Variants in PEX5L observed in about 807,000 individuals in gnomAD.
PEX5L encodes the protein peroxisomal biogenesis factor 5 like.
PEX5L carries 30 observed loss-of-function variants against 84.0 expected under a neutral mutation model. The ratio of observed to expected loss-of-function variants is 0.36; its 90% CI spans 0.27 to 0.48. PEX5L has a LOEUF of 0.48. Ranked by LOEUF, PEX5L falls within the 20% of genes least tolerant of loss-of-function variation. The probability of loss-of-function intolerance (pLI) is 0.99; values close to 1 mark genes in which losing one functional copy is unlikely to be tolerated. For synonymous variants in PEX5L, 270 were observed against 283.1 expected (o/e 0.95, Z 0.46); for missense variants, 533 against 754.6 (o/e 0.71, Z 3.44).
chr3:179,809,097 A>G (rs897360520), intron 12 of PEX5L, among the ~76,000 whole-genome samples: 2 of 150,742 alleles, frequency 1.3e-5, no homozygotes, highest in Non-Finnish European at 2.9e-5. Flanking sequence ...AAAAAAAAAA[A>G]AAAGAAAACA....
rs143602418 is a variant in PEX5L at position 179,927,265 on chromosome 3, GA to G, written c.94-29020del. 9.9e-3 allele frequency among the ~76,000 whole-genome samples: 1,504 copies of G among 152,270 alleles called. 27 individuals are homozygous for G. Among genetic ancestry groups the G allele is most frequent in the African/African-American group, 0.034 (1,425 of 41,542 alleles). On this transcript the variant is annotated intron_variant, in intron 2 of 14. Transcript: ENST00000467460. ...CATGGTACAATGGAGCACAGACAGG[GA>G]CCCTGACTAAGTGTAGGCTCTCAGG...
At chr3:179,958,538 T>C (rs1781186261) in intron 2 of PEX5L, among the ~76,000 whole-genome samples, 1 of 152,224 alleles carries the variant, frequency 6.6e-6, no homozygotes, top group Non-Finnish European at 1.5e-5. Flanking sequence ...TTATCATTAG[T>C]CTTTTAATAA....
At chr3:179,867,832 G>GT (rs1230679811) in intron 7 of PEX5L, among the ~76,000 whole-genome samples, 1 of 152,014 alleles carries the variant, frequency 6.6e-6, no homozygotes, top group Admixed American at 6.6e-5. Flanking sequence ...ATCCTAATTT[G>GT]TTTTACAAAG....
chr3:179,809,487 T>G lies in PEX5L; in HGVS notation c.1336A>C (p.Lys446Gln). The change falls in exon 12 of 15, where the codon AAG (lysine) becomes CAG (glutamine). Residue 446 changes from lysine (K) to glutamine (Q), a missense_variant. Physicochemically the swap from Lys to Gln is moderately conservative, Grantham distance 53. This residue lies in a region of PEX5L where 63 missense variants were observed against 60.2 expected (regional missense o/e 1.05). Transcript: ENST00000467460. ...GSPGLTRRMS[K>Q]SPVDSSVLEG... ...GAAGGATACCTATCAACTGGGGACT[T>G]AGACATCCGCCGGGTGAGGCCTGGA... 2 of 1,613,838 alleles carry G rather than the reference T, an allele frequency of 1.2e-6. No individual in the cohort carries two copies. The highest frequency in any genetic ancestry group is 8.5e-7 in the Non-Finnish European group (1 of 1,179,726).
intron 2 of PEX5L, among the ~76,000 whole-genome samples, chr3:179,957,696 G>C (rs566648475): frequency 2.6e-5 from 4 of 152,288 alleles, no homozygotes; most frequent in Admixed American, 2.0e-4. Context: ...TTTGTGCCAG[G>C]TGTAGAATTT....
At chr3:179,893,857 A>T (rs1758357687) in intron 3 of PEX5L, among the ~76,000 whole-genome samples, 1 of 152,088 alleles carries the variant, frequency 6.6e-6, no homozygotes, top group Admixed American at 6.6e-5. Context: ...TAATAGAAAA[A>T]TTTTAGAATT....
intron 2 of PEX5L, among the ~76,000 whole-genome samples, chr3:179,919,657 C>T (rs1205418397): frequency 6.6e-6 from 1 of 152,190 alleles, no homozygotes; most frequent in Non-Finnish European, 1.5e-5. Flanking sequence ...CCACACTCAA[C>T]TCTATCTTTG....
At chr3:180,034,762 G>A (rs1474361026) in intron 1 of PEX5L, among the ~76,000 whole-genome samples, 3 of 152,114 alleles carry the variant, frequency 2.0e-5, no homozygotes, top group Non-Finnish European at 2.9e-5. Context: ...AAGCTTGGCA[G>A]CAAAGATTTG....
intron 1 of PEX5L, among the ~76,000 whole-genome samples, chr3:179,978,509 T>G (rs1786022199): frequency 1.3e-5 from 2 of 152,168 alleles, no homozygotes; most frequent in Non-Finnish European, 1.5e-5. Flanking sequence ...ACTACCTAGA[T>G]TCTACTAACT....
intron 2 of PEX5L, among the ~76,000 whole-genome samples, chr3:179,933,095 G>T (rs1773562025): frequency 6.6e-6 from 1 of 152,158 alleles, no homozygotes; most frequent in African/African-American, 2.4e-5. Context: ...CCACATATAA[G>T]TGAGAGCACA....
At chr3:179,869,333 T>C (rs1002548306) in intron 7 of PEX5L, among the ~76,000 whole-genome samples, 1 of 152,060 alleles carries the variant, frequency 6.6e-6, no homozygotes, top group Non-Finnish European at 1.5e-5. Flanking sequence ...TTATGTTACT[T>C]TCTGTGTTTT....
At chr3:179,806,992 G>GA (rs1331028810) in intron 14 of PEX5L, among the ~76,000 whole-genome samples, 3 of 151,928 alleles carry the variant, frequency 2.0e-5, no homozygotes, top group South Asian at 2.1e-4. Flanking sequence ...TTAGAAAATA[G>GA]AAAAAATGGG....
At chr3:179,932,131 A>G (rs886065827) in intron 2 of PEX5L, among the ~76,000 whole-genome samples, 1 of 152,182 alleles carries the variant, frequency 6.6e-6, no homozygotes, top group African/African-American at 2.4e-5. Context: ...ACAAAACATT[A>G]TGCAGCTATT....
At chr3:179,884,079 GT>G (rs1259425703) in intron 4 of PEX5L, among the ~76,000 whole-genome samples, 1 of 152,088 alleles carries the variant, frequency 6.6e-6, no homozygotes, top group Non-Finnish European at 1.5e-5. Flanking sequence ...TGTGAAAAAG[GT>G]ATTCTAATTT....
intron 4 of PEX5L, among the ~76,000 whole-genome samples, chr3:179,885,468 A>G (rs1002353535): frequency 2.0e-4 from 31 of 152,202 alleles, no homozygotes; most frequent in Non-Finnish European, 1.8e-4. Context: ...AACACAGTGA[A>G]ACCCTGTCTC....
intron 8 of PEX5L, among the ~76,000 whole-genome samples, chr3:179,857,491 T>A (rs1228535844): frequency 3.9e-5 from 6 of 152,102 alleles, no homozygotes; most frequent in Admixed American, 1.3e-4. Flanking sequence ...ATAGAAAAAA[T>A]TTTTTTGGTT....
chr3:180,015,876 A>ATATT (rs1789900844), intron 1 of PEX5L, among the ~76,000 whole-genome samples: 1 of 118,168 alleles, frequency 8.5e-6, no homozygotes, highest in African/African-American at 4.7e-5. Context: ...CATATAATAT[A>ATATT]TAATATTTAA....
chr3:179,971,962 A>G (rs958946259), intron 1 of PEX5L, among the ~76,000 whole-genome samples: 3 of 152,110 alleles, frequency 2.0e-5, no homozygotes, highest in Admixed American at 6.6e-5. Context: ...ATTCTTTAAC[A>G]CTTTGGGATA....
intron 1 of PEX5L, among the ~76,000 whole-genome samples, chr3:180,011,108 ACT>A (rs1789439658): frequency 6.6e-6 from 1 of 151,980 alleles, no homozygotes; most frequent in African/African-American, 2.4e-5. Context: ...TTCTATCAAA[ACT>A]CTGTGAATTA....
Sources: allele counts gnomAD v4.1 joint callset (sites outside exome capture counted in the v4.1 genomes callset), GRCh38; gene constraint gnomAD v4.1.1; regional missense constraint gnomAD v4.1.1; transcripts MANE v1.5; gene names NCBI Gene and HGNC (gene_info 2026-07-23, HGNC 2026-07-21).